JMJD1C: variants seen among roughly 807,000 people sequenced by gnomAD.
JMJD1C encodes the protein jumonji domain containing 1C, also known as jumonji domain-containing protein 1C.
Under a neutral mutation model 245.3 loss-of-function variants are expected in JMJD1C, and 31 were observed. The ratio of observed to expected loss-of-function variants is 0.13; its 90% CI spans 0.09 to 0.17. JMJD1C has a LOEUF of 0.17. JMJD1C is among the 10% of genes least tolerant of loss of function. The pLI, the probability that JMJD1C is intolerant of heterozygous loss-of-function variation, is 1.00. For synonymous variants in JMJD1C, 1,057 were observed against 1,017.4 expected (o/e 1.04, Z -0.74); for missense variants, 2,691 against 3,000.2 (o/e 0.90, Z 2.41).
At position 63,190,954 on chromosome 10, in the gene JMJD1C, T is replaced by C; in HGVS notation, c.6231A>G (p.Leu2077=). ...TGCCAGCATCTGTAGACCCCACACGTAGCTTTCCAGCTGTTGTAGTCAGCA... is the reference window on the plus strand; with the variant it reads ...TGCCAGCATCTGTAGACCCCACACGCAGCTTTCCAGCTGTTGTAGTCAGCA... ...RDLLTTTAGK[L]RVGSTDAGIA... The change falls in exon 17 of 26, where the codon CTA becomes CTG. Residue 2077 remains leucine, a synonymous_variant. Transcript: ENST00000399262. 1 of 1,614,130 alleles carries C rather than the reference T, an allele frequency of 6.2e-7. No homozygotes were observed. The highest frequency in any genetic ancestry group is 8.5e-7 in the Non-Finnish European group (1 of 1,179,960).
chr10:63,222,691 CAAA>C, intron 3 of JMJD1C: 1 of 1,540,784 alleles, frequency 6.5e-7, no homozygotes, highest in Non-Finnish European at 9.0e-7. Flanking sequence ...TTGATGGTAC[CAAA>C]GAAGCAGCAG....
At chr10:63,169,979 CAG>C (rs992423830) in intron 24 of JMJD1C, among the ~76,000 whole-genome samples, 4 of 152,276 alleles carry the variant, frequency 2.6e-5, no homozygotes, top group Admixed American at 6.5e-5. Context: ...TACCAGCATA[CAG>C]AGTCTCCAAA....
chr10:63,173,899 A>C (rs796431988), intron 24 of JMJD1C, among the ~76,000 whole-genome samples: 11 of 152,362 alleles, frequency 7.2e-5, no homozygotes, highest in African/African-American at 2.4e-4. Context: ...ACACATATTT[A>C]ACCAAAGTAG....
At chr10:63,285,194 C>T (rs1857849197) in intron 2 of JMJD1C, among the ~76,000 whole-genome samples, 1 of 152,088 alleles carries the variant, frequency 6.6e-6, no homozygotes, top group South Asian at 2.1e-4. Context: ...TCATGTAGCA[C>T]GCACGACAGA....
intron 2 of JMJD1C, among the ~76,000 whole-genome samples, chr10:63,268,499 C>T (rs1057475317): frequency 3.3e-5 from 5 of 152,118 alleles, no homozygotes; most frequent in African/African-American, 1.2e-4. Context: ...ACTACAAACA[C>T]AATAAACCTT....
At chr10:63,426,145 CAGA>C (rs1950427038) in intron 1 of JMJD1C, among the ~76,000 whole-genome samples, 2 of 152,136 alleles carry the variant, frequency 1.3e-5, no homozygotes, top group Non-Finnish European at 1.5e-5. Context: ...GAGGCCAAGG[CAGA>C]AGAATTGCTT....
intron 1 of JMJD1C, among the ~76,000 whole-genome samples, chr10:63,500,640 G>A (rs1006641617): frequency 2.0e-5 from 3 of 152,098 alleles, no homozygotes; most frequent in Non-Finnish European, 4.4e-5. Context: ...GCAGAGGCAG[G>A]AGAATCGCTT....
chr10:63,211,622 A>C (rs1847347740), intron 8 of JMJD1C, among the ~76,000 whole-genome samples: 1 of 152,030 alleles, frequency 6.6e-6, no homozygotes, highest in African/African-American at 2.4e-5. Flanking sequence ...ATATGTAAAA[A>C]ATATTATCCC....
chr10:63,491,606 C>T (rs1226291072), intron 1 of JMJD1C, among the ~76,000 whole-genome samples: 1 of 152,174 alleles, frequency 6.6e-6, no homozygotes, highest in Non-Finnish European at 1.5e-5. Flanking sequence ...ACTACCCAAG[C>T]CTATCTTTAA....
chr10:63,359,513 G>C (rs988673878), intron 2 of JMJD1C, among the ~76,000 whole-genome samples: 1 of 152,134 alleles, frequency 6.6e-6, no homozygotes, highest in African/African-American at 2.4e-5. Flanking sequence ...TCCACATAAT[G>C]TGACCAATTT....
intron 3 of JMJD1C, among the ~76,000 whole-genome samples, chr10:63,233,857 C>T (rs1850328028): frequency 6.6e-6 from 1 of 151,524 alleles, no homozygotes; most frequent in Non-Finnish European, 1.5e-5. Flanking sequence ...CTTTGCTATG[C>T]TTTTATGTAT....
chr10:63,379,036 CCTGT>C (rs1314884461), intron 2 of JMJD1C, among the ~76,000 whole-genome samples: 7 of 151,976 alleles, frequency 4.6e-5, no homozygotes, highest in East Asian at 1.9e-4. Context: ...CCCTTCCTAT[CCTGT>C]CTTTTTATTC....
intron 1 of JMJD1C, among the ~76,000 whole-genome samples, chr10:63,384,960 G>A (rs1173194766): frequency 2.0e-5 from 3 of 152,100 alleles, no homozygotes; most frequent in South Asian, 2.1e-4. Context: ...TGCCTTCCTC[G>A]CTAAGCTAGC....
intron 1 of JMJD1C, among the ~76,000 whole-genome samples, chr10:63,415,497 A>G (rs1949748150): frequency 6.6e-6 from 1 of 152,126 alleles, no homozygotes; most frequent in African/African-American, 2.4e-5. Flanking sequence ...ATTCAGCAAA[A>G]CTTTATTATA....
chr10:63,420,714 C>CAAAAAA (rs35090799), intron 1 of JMJD1C, among the ~76,000 whole-genome samples: 1 of 47,702 alleles, frequency 2.1e-5, no homozygotes, highest in Non-Finnish European at 4.1e-5. Context: ...GACCCAGTCT[C>CAAAAAA]AAAAAAAAAA....
In JMJD1C at chr10:63,184,482, T is replaced by A; in HGVS notation, c.6961+126A>T. On this transcript the variant is annotated intron_variant, in intron 21 of 25. Transcript: ENST00000399262. The stretch of plus-strand genomic sequence containing the variant: ...TGGTCTCAATCTCCTGACCTCGTGA[T>A]TCACCCGCCTTAGCCTCCCAAAGAG... 6.6e-6 allele frequency: 5 copies of A among 753,188 alleles called. No homozygotes were observed. In the South Asian group the frequency reaches 1.0e-4, roughly 16 times the overall value. The allele number at this position is 753,188 out of a possible 1,614,324, so 46.7% of individuals were successfully genotyped here.
At chr10:63,322,835 T>TTCCTA (rs1388825195) in intron 2 of JMJD1C, among the ~76,000 whole-genome samples, 1 of 150,830 alleles carries the variant, frequency 6.6e-6, no homozygotes, top group Non-Finnish European at 1.5e-5. Context: ...TTTTTTTTTT[T>TTCCTA]TCCTAAGTTT....
At chr10:63,266,326 T>G (rs889071183) in intron 2 of JMJD1C, among the ~76,000 whole-genome samples, 1 of 152,050 alleles carries the variant, frequency 6.6e-6, no homozygotes, top group Admixed American at 6.6e-5. Context: ...CTCACATTAT[T>G]TAGCTATTTC....
At chr10:63,208,908 A>G in intron 9 of JMJD1C, 107 bp from the exon 10 acceptor site, 2 of 1,034,686 alleles carry the variant, frequency 1.9e-6, no homozygotes, top group Admixed American at 2.7e-5. Flanking sequence ...ACATCTTTGC[A>G]TGTACTCTAA....
Sources: allele counts gnomAD v4.1 joint callset (sites outside exome capture counted in the v4.1 genomes callset), GRCh38; gene constraint gnomAD v4.1.1; transcripts MANE v1.5; gene names NCBI Gene and HGNC (gene_info 2026-07-23, HGNC 2026-07-21).